Variants in PAX8 observed in about 807,000 individuals in gnomAD.
PAX8 encodes paired box 8, also known as paired box protein Pax-8.
A neutral mutation model predicts 52.4 loss-of-function variants in PAX8; 15 were observed. That is an observed-to-expected ratio of 0.29 (90% CI 0.19 to 0.44). The LOEUF is 0.44. PAX8 is among the 20% of genes least tolerant of loss of function. PAX8 has a pLI of 1.00. For synonymous variants in PAX8, 284 were observed against 249.7 expected, an observed-to-expected ratio of 1.14 and a Z score of -1.29; for missense variants, 554 against 602.5, an observed-to-expected ratio of 0.92 and a Z score of 0.84.
chr2:113,232,541 C>A (rs1480721021), intron 9 of PAX8, among the ~76,000 whole-genome samples: 1 of 152,220 alleles, frequency 6.6e-6, no homozygotes, highest in Non-Finnish European at 1.5e-5. Context: ...ACATGACTAC[C>A]TGGTGTCTGC....
rs567219371 is a variant in PAX8, at chr2:113,261,888, G to A, written c.26-14969C>T. ...GGCTGGAGTGAAGTGGTGCGATCTC[G>A]GCTCACTGAAACCCTGCAACCTCCG... On this transcript the variant is annotated intron_variant, in intron 2 of 11. Transcript: ENST00000429538. Among the ~76,000 whole-genome samples, 331 of 151,478 alleles carry A rather than the reference G, an allele frequency of 2.2e-3. 1 individual carries two copies. The highest frequency in any genetic ancestry group is 3.6e-3 in the Non-Finnish European group (246 of 67,898).
intron 9 of PAX8, among the ~76,000 whole-genome samples, chr2:113,228,916 CCTT>C (rs1474284462): frequency 2.6e-5 from 4 of 152,222 alleles, no homozygotes; most frequent in African/African-American, 9.6e-5. Context: ...ACTACCTCCT[CCTT>C]ATCTCTCTTT....
chr2:113,219,564 G>A (rs1689165727), intron 11 of PAX8, among the ~76,000 whole-genome samples: 1 of 152,176 alleles, frequency 6.6e-6, no homozygotes, highest in Non-Finnish European at 1.5e-5. Flanking sequence ...CTAAATATGG[G>A]GAATGTGGTG....
At position 113,220,162 on chromosome 2, in the gene PAX8, G is replaced by A; in HGVS notation, c.1206C>T (p.Gly402=). Residue 402 remains glycine (G), a synonymous_variant, in exon 11 of 12, where the codon GGC becomes GGT. Transcript: ENST00000429538. ...AGMVAGSEYS[G]NAYGHTPYSS... ...AGTAGGGGGTGTGGCCATAGGCATTGCCAGAGTATTCACTTCCTGTTGGAG... is the reference window on the plus strand; with the variant it reads ...AGTAGGGGGTGTGGCCATAGGCATTACCAGAGTATTCACTTCCTGTTGGAG... The A allele has an allele frequency of 1.2e-6, 2 of 1,613,730 alleles. No individual in the cohort carries two copies. Among genetic ancestry groups the A allele is most frequent in the South Asian group, 2.2e-5 (2 of 91,052 alleles).
Position 113,243,385 on chromosome 2 carries a change from T to C in PAX8, c.390-607A>G, listed in dbSNP as rs543824292. Reference sequence around the variant, plus strand: ...CCCTGCTCTTTATCTACTGGTTTTCTTTTCTTTCTTTCTTTTTTTTTTTGA... The same window carrying C: ...CCCTGCTCTTTATCTACTGGTTTTCCTTTCTTTCTTTCTTTTTTTTTTTGA... On this transcript the variant is annotated intron_variant, in intron 4 of 11. Transcript: ENST00000429538. 1.9e-4 allele frequency among the ~76,000 whole-genome samples: 13 copies of C among 68,152 alleles called. No individual in the cohort carries two copies. In the South Asian group the frequency reaches 7.7e-3, roughly 40 times the overall value. The allele number at this position is 68,152 out of a possible 152,430, so 44.7% of individuals were successfully genotyped here.
rs369558233 is a variant in PAX8, at chr2:113,241,676, C to T, written c.652G>A (p.Gly218Arg). ...TCCGTGCGAAGGTGCTTTCGGGGTCCGCTGCTGCTGCTCTGTGAGTCAATG... is the reference window on the plus strand; with the variant it reads ...TCCGTGCGAAGGTGCTTTCGGGGTCTGCTGCTGCTGCTCTGTGAGTCAATG... ...LSIDSQSSSS[G>R]PRKHLRTDAF... The change falls in exon 7 of 12, where the codon GGA (glycine) becomes AGA (arginine). Residue 218 changes from glycine (G) to arginine (R), a missense_variant. By Grantham distance (125) the Gly-to-Arg change is moderately radical. Transcript: ENST00000429538. 9.3e-6 allele frequency: 15 copies of T among 1,613,998 alleles called. No homozygotes were observed. Among genetic ancestry groups the T allele is most frequent in the African/African-American group, 6.7e-5 (5 of 74,900 alleles).
intron 7 of PAX8, chr2:113,239,311 A>G (rs1139015): frequency 0.31 from 47,451 of 152,102 alleles, 7,474 homozygotes; most frequent in South Asian, 0.43. Context: ...CAGGTGACCC[A>G]TCCACCTTGG....
chr2:113,246,650 G>A, intron 3 of PAX8, 104 bp downstream of exon 3: 2 of 1,320,376 alleles, frequency 1.5e-6, no homozygotes, highest in East Asian at 2.3e-5. Flanking sequence ...GACATTGGGA[G>A]CAAATCCCCG....
chr2:113,247,057 C>T (rs568042548), intron 2 of PAX8, 138 bp from the exon 3 acceptor site: 55 of 763,202 alleles, frequency 7.2e-5, no homozygotes, highest in Non-Finnish European at 1.2e-4. Flanking sequence ...GCCCTGTGGG[C>T]CCCTCTGCAC....
chr2:113,221,879 G>A (rs1390027712), intron 10 of PAX8, among the ~76,000 whole-genome samples: 1 of 151,948 alleles, frequency 6.6e-6, no homozygotes, highest in Non-Finnish European at 1.5e-5. Context: ...CAGTAAGAAA[G>A]TTCCTTAGGG....
intron 2 of PAX8, among the ~76,000 whole-genome samples, chr2:113,258,936 T>C (rs1008913533): frequency 2.0e-5 from 3 of 152,282 alleles, no homozygotes; most frequent in African/African-American, 7.2e-5. Flanking sequence ...CTAAGCTCCT[T>C]AAGAAAAGTA....
intron 3 of PAX8, among the ~76,000 whole-genome samples, chr2:113,244,947 G>A (rs1458681957): frequency 2.0e-5 from 3 of 152,068 alleles, no homozygotes; most frequent in Non-Finnish European, 4.4e-5. Context: ...TCCCTTCTAA[G>A]AAAGGAAATC....
Position 113,218,486 on chromosome 2 carries a change from G to A in PAX8, c.*47C>T, listed in dbSNP as rs1689100948. 1 of 1,176,844 alleles carries A rather than the reference G, an allele frequency of 8.5e-7. No homozygotes were observed. The highest frequency in any genetic ancestry group is 1.2e-6 in the Non-Finnish European group (1 of 829,104). The allele number at this position is 1,176,844 out of a possible 1,614,324, so 72.9% of individuals were successfully genotyped here. A position where few individuals can be genotyped will look rare whatever the true frequency, so the allele number is the denominator to read the frequency against. On this transcript the variant is annotated 3_prime_UTR_variant, in exon 12 of 12. Coordinates refer to ENST00000429538, the MANE Select transcript of PAX8 (RefSeq NM_003466.4). ...GTGTGACTCTCTGGGGCCTGTCCCA[G>A]GCTGAGTCCTCCTGTTGCTCAGTCG...
chr2:113,254,274 A>G (rs75818495), intron 2 of PAX8, among the ~76,000 whole-genome samples: 7,558 of 152,290 alleles, frequency 0.05, 275 homozygotes, highest in African/African-American at 0.1. Flanking sequence ...TACCTTCATG[A>G]AGCTTTCAGG....
At chr2:113,252,444 A>G (rs1691846535) in intron 2 of PAX8, among the ~76,000 whole-genome samples, 1 of 152,122 alleles carries the variant, frequency 6.6e-6, no homozygotes, top group South Asian at 2.1e-4. Flanking sequence ...TGTGCCTCCA[A>G]CTGCTCCTGA....
intron 2 of PAX8, among the ~76,000 whole-genome samples, chr2:113,250,266 C>CA (rs35799959): frequency 0.3 from 31,036 of 102,702 alleles, 3,914 homozygotes; most frequent in Middle Eastern, 0.46. Flanking sequence ...GACTCCATCT[C>CA]AAAAAAAAAA....
intron 10 of PAX8, among the ~76,000 whole-genome samples, chr2:113,221,953 A>G (rs914156714): frequency 6.6e-6 from 1 of 152,032 alleles, no homozygotes; most frequent in African/African-American, 2.4e-5. Flanking sequence ...GGGGGTAAAG[A>G]AGTAAAAAAG....
intron 2 of PAX8, among the ~76,000 whole-genome samples, chr2:113,261,276 A>T (rs1246282371): frequency 6.6e-6 from 1 of 152,136 alleles, no homozygotes; most frequent in African/African-American, 2.4e-5. Context: ...CAGTTTTTTC[A>T]TCTGGCTTGA....
chr2:113,223,163 C>T (rs773527421), intron 10 of PAX8, among the ~76,000 whole-genome samples: 2 of 151,922 alleles, frequency 1.3e-5, no homozygotes, highest in Non-Finnish European at 2.9e-5. Context: ...ATAACACGGC[C>T]CAAAAAACTC....
Sources: gnomAD v4.1 joint callset for allele counts (sites outside exome capture counted in the v4.1 genomes callset) on GRCh38, gnomAD v4.1.1 for gene constraint, MANE v1.5 for transcripts, NCBI Gene and HGNC (gene_info 2026-07-23, HGNC 2026-07-21) for gene names.